PARP1: variants seen among roughly 807,000 people sequenced by gnomAD.
The protein encoded by PARP1 is poly(ADP-ribose) polymerase 1, also known as poly [ADP-ribose] polymerase 1.
PARP1 carries 44 observed loss-of-function variants against 118.7 expected under a neutral mutation model. That is an observed-to-expected ratio of 0.37 (90% confidence interval 0.29 to 0.48). The LOEUF (loss-of-function observed/expected upper bound fraction) is 0.48, where lower values mean the gene tolerates loss of function less well. Among genes scored for constraint, PARP1 ranks in the 20% least tolerant of loss-of-function variants. PARP1 has a pLI of 0.99. For missense variants in PARP1, 1,100 were observed against 1,272.4 expected, an observed-to-expected ratio of 0.86 and a Z score of 2.06; for synonymous variants, 492 against 483.2, an observed-to-expected ratio of 1.02 and a Z score of -0.24.
At chr1:226,369,222 T>C (rs1019412391) in intron 15 of PARP1, among the ~76,000 whole-genome samples, 3 of 152,196 alleles carry the variant, frequency 2.0e-5, no homozygotes, top group Non-Finnish European at 2.9e-5. Context: ...GTAACTGAAG[T>C]TGACAGATCC....
At chr1:226,392,345 C>T (rs1345305880) in intron 2 of PARP1, 31 bp from the exon 3 acceptor site, 5 of 1,498,962 alleles carry the variant, frequency 3.3e-6, no homozygotes, top group Non-Finnish European at 3.7e-6. Context: ...CAATGCTCAT[C>T]TCAACAGCCC....
At chr1:226,369,653 T>C (rs996492782) in intron 15 of PARP1, among the ~76,000 whole-genome samples, 2 of 152,080 alleles carry the variant, frequency 1.3e-5, no homozygotes, top group African/African-American at 4.8e-5. Context: ...CAAACTCAGA[T>C]AAAAAATATA....
At position 226,402,277 on chromosome 1, in the gene PARP1, A is replaced by G. The variant is rs182219056; in HGVS notation, c.223T>C (p.Ser75Pro). The G allele has an allele frequency of 3.1e-5, 50 of 1,614,190 alleles. No homozygotes were observed. The East Asian group carries it at 1.1e-3, about 35-fold the overall frequency. The change falls in exon 2 of 23, where the codon TCT becomes CCT. Residue 75 changes from serine to proline, a missense_variant. Ser to Pro is a moderately conservative substitution (Grantham distance 74, BLOSUM62 -1). Coordinates refer to ENST00000366794, the MANE Select transcript of PARP1 (RefSeq NM_001618.4). ...RHPDVEVDGF[S>P]ELRWDDQQKV... ...TGCTGGTCATCCCACCGAAGCTCAGAGAACCCATCCACCTCAACGTCAGGG... is the reference window on the plus strand; with the variant it reads ...TGCTGGTCATCCCACCGAAGCTCAGGGAACCCATCCACCTCAACGTCAGGG...
intron 14 of PARP1, among the ~76,000 whole-genome samples, chr1:226,371,712 G>A (rs1212599422): frequency 6.6e-6 from 1 of 152,216 alleles, no homozygotes; most frequent in Admixed American, 6.5e-5. Flanking sequence ...TCTCAAGAAG[G>A]AATCCCAAAA....
At chr1:226,407,309 T>G (rs1416871520) in intron 1 of PARP1, among the ~76,000 whole-genome samples, 1 of 144,982 alleles carries the variant, frequency 6.9e-6, no homozygotes, top group East Asian at 2.0e-4. Flanking sequence ...TCTGCCTAAT[T>G]AAAATAAAAA....
chr1:226,388,886 C>T, intron 4 of PARP1, 131 bp from the exon 5 acceptor site: 1 of 767,914 alleles, frequency 1.3e-6, no homozygotes, highest in Admixed American at 1.8e-5. Context: ...TTGTCACTCC[C>T]TAACCCCTGC....
intron 15 of PARP1, 109 bp downstream of exon 15, chr1:226,370,325 C>T: frequency 4.8e-6 from 4 of 835,166 alleles, no homozygotes; most frequent in Non-Finnish European, 8.5e-6. Context: ...CAGTTCAGTA[C>T]TTCCAGTTTC....
In PARP1 at chr1:226,379,171, C is replaced by A; in HGVS notation, c.1716G>T (p.Leu572=). ...TTTCCTTGTCGTCCTCCAGAAGCTG[C>A]AGCTTGTAGTAGGAGTTGGTTCCTT... ...IVKGTNSYYK[L]QLLEDDKENR... The change falls in exon 12 of 23, where the codon CTG becomes CTT. Residue 572 remains leucine (L), a synonymous_variant. Transcript: ENST00000366794. 1 of 1,614,224 alleles carries A rather than the reference C, an allele frequency of 6.2e-7. No homozygotes were observed.
In PARP1 at chr1:226,361,355, C is replaced by A. The variant is rs1173338638; in HGVS notation, c.*105G>T. 1.3e-6 allele frequency: 1 copy of A among 746,212 alleles called. No individual in the cohort carries two copies. Among genetic ancestry groups the A allele is most frequent in the African/African-American group, 1.7e-5 (1 of 57,892 alleles). 46.2% of individuals were successfully genotyped at this position (746,212 alleles called of 1,614,324 possible). A position where few individuals can be genotyped will look rare whatever the true frequency, so the allele number is the denominator to read the frequency against. Reference sequence around the variant, plus strand: ...AAATCCTTTCTGAGGTGGTTTAGTACAGGTACTACCCATCAGCAACTTAGC... The same window carrying A: ...AAATCCTTTCTGAGGTGGTTTAGTAAAGGTACTACCCATCAGCAACTTAGC... On this transcript the variant is annotated 3_prime_UTR_variant, in exon 23 of 23. Coordinates refer to ENST00000366794, the MANE Select transcript of PARP1 (RefSeq NM_001618.4).
At chr1:226,369,550 G>T (rs1313255287) in intron 15 of PARP1, among the ~76,000 whole-genome samples, 1 of 152,184 alleles carries the variant, frequency 6.6e-6, no homozygotes, top group Non-Finnish European at 1.5e-5. Context: ...TTGAACAATC[G>T]ATTTGAAGTA....
At chr1:226,363,540 A>T (rs1664194978) in intron 20 of PARP1, among the ~76,000 whole-genome samples, 1 of 152,234 alleles carries the variant, frequency 6.6e-6, no homozygotes, top group South Asian at 2.1e-4. Flanking sequence ...AAGCTGGACT[A>T]ATCAGATCTT....
intron 15 of PARP1, among the ~76,000 whole-genome samples, chr1:226,369,758 C>G (rs1216722866): frequency 6.6e-6 from 1 of 151,864 alleles, no homozygotes; most frequent in East Asian, 1.9e-4. Context: ...AGTTTGAGAC[C>G]AGTCTGGCCA....
chr1:226,394,071 G>A (rs1664869071), intron 2 of PARP1, among the ~76,000 whole-genome samples: 1 of 152,184 alleles, frequency 6.6e-6, no homozygotes, highest in Non-Finnish European at 1.5e-5. Flanking sequence ...GGCCAGGCAT[G>A]GTAATCCCAC....
At position 226,372,395 on chromosome 1, in the gene PARP1, G is replaced by T. The variant is rs572462438; in HGVS notation, c.2070+1831C>A. On this transcript the variant is annotated intron_variant, in intron 14 of 22. Transcript: ENST00000366794. ...AACATTAAAATGTCATTTCAGGCTG[G>T]GGGCCATGGCTCATGCCTGTAATCC... is the stretch of plus-strand genomic sequence containing the variant. Among the ~76,000 whole-genome samples, 6 of 152,338 alleles carry T rather than the reference G, an allele frequency of 3.9e-5. No homozygotes were observed. In the South Asian group the frequency reaches 1.2e-3, roughly 32 times the overall value.
chr1:226,374,165 T>G, intron 14 of PARP1, 61 bp downstream of exon 14: 1 of 1,597,158 alleles, frequency 6.3e-7, no homozygotes, highest in Non-Finnish European at 8.6e-7. Flanking sequence ...AGCTCTTCAC[T>G]AGCTCAGCAA....
At position 226,361,371 on chromosome 1, in the gene PARP1, G is replaced by A; in HGVS notation, c.*89C>T. The A allele has an allele frequency of 2.4e-6, 2 of 818,316 alleles. No individual in the cohort carries two copies. The highest frequency in any genetic ancestry group is 1.4e-5 in the South Asian group (1 of 71,696). 50.7% of individuals were successfully genotyped at this position (818,316 alleles called of 1,614,324 possible). A position where few individuals can be genotyped will look rare whatever the true frequency, so the allele number is the denominator to read the frequency against. On this transcript the variant is annotated 3_prime_UTR_variant, in exon 23 of 23. Transcript: ENST00000366794. ...GGTTTAGTACAGGTACTACCCATCA[G>A]CAACTTAGCGGCCAGGTGAGTTGGT... is the stretch of plus-strand genomic sequence containing the variant.
intron 20 of PARP1, 103 bp downstream of exon 20, chr1:226,363,840 G>A: frequency 1.6e-6 from 2 of 1,239,472 alleles, no homozygotes; most frequent in Middle Eastern, 2.7e-4. Flanking sequence ...TCCAGTAACT[G>A]CAGTGGGGAA....
At chr1:226,364,899 T>G in intron 19 of PARP1, 103 bp downstream of exon 19, 3 of 1,296,618 alleles carry the variant, frequency 2.3e-6, no homozygotes, top group Non-Finnish European at 3.3e-6. Context: ...AAAGGATGTC[T>G]GGCAGAATCC....
intron 2 of PARP1, among the ~76,000 whole-genome samples, chr1:226,393,389 T>A (rs1219060080): frequency 1.3e-5 from 2 of 152,218 alleles, no homozygotes; most frequent in Non-Finnish European, 2.9e-5. Flanking sequence ...TTATCTGCAA[T>A]TTGATCCATG....
Sources: allele counts gnomAD v4.1 joint callset (sites outside exome capture counted in the v4.1 genomes callset), GRCh38; gene constraint gnomAD v4.1.1; transcripts MANE v1.5; gene names NCBI Gene and HGNC (gene_info 2026-07-23, HGNC 2026-07-21).